Variants in SRPK2 observed in about 807,000 individuals in gnomAD.
The protein encoded by SRPK2 is SFRS protein kinase 2.
SRPK2 carries 21 observed loss-of-function variants against 90.8 expected under a neutral mutation model. The observed-to-expected ratio is 0.23, with a 90% CI of 0.16 to 0.33. The LOEUF (loss-of-function observed/expected upper bound fraction) is 0.33, where lower values mean the gene tolerates loss of function less well. SRPK2 is among the 10% of genes least tolerant of loss of function. The pLI, the probability that SRPK2 is intolerant of heterozygous loss-of-function variation, is 1.00. For missense variants in SRPK2, 620 were observed against 869.0 expected (o/e 0.71, Z 3.60); for synonymous variants, 288 against 311.1 (o/e 0.93, Z 0.78).
chr7:105,300,939 C>T (rs1007231765), intron 2 of SRPK2, among the ~76,000 whole-genome samples: 5 of 152,156 alleles, frequency 3.3e-5, no homozygotes, highest in Admixed American at 1.3e-4. Context: ...CTAGTTCAAC[C>T]GTCGTGGAAG....
chr7:105,333,155 C>G (rs540679784), intron 2 of SRPK2, among the ~76,000 whole-genome samples: 1 of 152,192 alleles, frequency 6.6e-6, no homozygotes, highest in African/African-American at 2.4e-5. Flanking sequence ...GATCGTGCCA[C>G]TGCACTCCAG....
intron 2 of SRPK2, among the ~76,000 whole-genome samples, chr7:105,279,835 CAGT>C (rs1172997589): frequency 5.9e-5 from 9 of 152,276 alleles, no homozygotes; most frequent in Middle Eastern, 3.4e-3. Context: ...GTCAAGTAGA[CAGT>C]AGAAGTAACA....
intron 2 of SRPK2, among the ~76,000 whole-genome samples, chr7:105,387,145 T>C (rs1586019235): frequency 6.6e-6 from 1 of 152,230 alleles, no homozygotes; most frequent in Admixed American, 6.5e-5. Flanking sequence ...CATGCACACA[T>C]AGCCATCTCC....
Position 105,331,323 on chromosome 7 carries a change from A to AAACAAAAC in SRPK2, c.71+57324_71+57325insGTTTTGTT, listed in dbSNP as rs1188690882. On this transcript the variant is annotated intron_variant, in intron 2 of 15. Transcript: ENST00000393651. Reference sequence around the variant, plus strand: ...GACTCCGTCTCAAAAAAAAAAAAAAAAAAAAAAAAAAAAACAAATAGTTAT... The same window carrying AAACAAAAC: ...GACTCCGTCTCAAAAAAAAAAAAAAAAACAAAACAAAAAAAAAAAAAACAAATAGTTAT... 5.3e-5 allele frequency among the ~76,000 whole-genome samples: 7 copies of AAACAAAAC among 131,734 alleles called. 1 individual carries two copies. Among genetic ancestry groups the AAACAAAAC allele is most frequent in the African/African-American group, 1.9e-4 (7 of 37,428 alleles). The allele number at this position is 131,734 out of a possible 152,430, so 86.4% of individuals were successfully genotyped here.
At chr7:105,257,177 C>T (rs1435649026) in intron 2 of SRPK2, among the ~76,000 whole-genome samples, 1 of 152,052 alleles carries the variant, frequency 6.6e-6, no homozygotes, top group East Asian at 1.9e-4. Flanking sequence ...TGCATAGCAG[C>T]TGCTGAAAAA....
At chr7:105,217,186 C>A (rs1797576485) in intron 2 of SRPK2, among the ~76,000 whole-genome samples, 1 of 152,204 alleles carries the variant, frequency 6.6e-6, no homozygotes, top group African/African-American at 2.4e-5. Context: ...CCTAACAACC[C>A]TCTGCTTCTA....
intron 3 of SRPK2, among the ~76,000 whole-genome samples, chr7:105,173,298 G>A (rs1006056696): frequency 1.3e-5 from 2 of 152,116 alleles, no homozygotes; most frequent in Non-Finnish European, 2.9e-5. Flanking sequence ...ACAACTGAAA[G>A]TATAACGCAC....
At chr7:105,295,054 C>CA (rs975703417) in intron 2 of SRPK2, among the ~76,000 whole-genome samples, 6 of 151,206 alleles carry the variant, frequency 4.0e-5, no homozygotes, top group South Asian at 2.1e-4. Flanking sequence ...CTACTAAAAA[C>CA]AAAAAAAATC....
chr7:105,181,433 G>A (rs1792792513), intron 3 of SRPK2, among the ~76,000 whole-genome samples: 2 of 152,124 alleles, frequency 1.3e-5, no homozygotes, highest in Admixed American at 6.5e-5. Flanking sequence ...TGTTCACTGC[G>A]ACACTATTCC....
At chr7:105,388,381 C>T (rs1821896992) in intron 2 of SRPK2, among the ~76,000 whole-genome samples, 1 of 150,026 alleles carries the variant, frequency 6.7e-6, no homozygotes, top group Admixed American at 6.6e-5. Flanking sequence ...CGCCGGCCTC[C>T]CGCCCGCCGG....
At chr7:105,350,522 T>C (rs1054640552) in intron 2 of SRPK2, among the ~76,000 whole-genome samples, 1 of 102,806 alleles carries the variant, frequency 9.7e-6, no homozygotes, top group East Asian at 3.2e-4. Context: ...TTGCTACAAT[T>C]TTTTTTCTTT....
chr7:105,341,784 T>A lies in SRPK2; in HGVS notation c.71+46864A>T, dbSNP rs567814759. 2.0e-5 allele frequency among the ~76,000 whole-genome samples: 3 copies of A among 151,970 alleles called. No homozygotes were observed. The East Asian group carries it at 5.8e-4, about 30-fold the overall frequency. On this transcript the variant is annotated intron_variant, in intron 2 of 15. Coordinates refer to ENST00000393651, the MANE Select transcript of SRPK2 (RefSeq NM_182692.3). The stretch of plus-strand genomic sequence containing the variant: ...GAGTTCGAAACCAGCCTGGCCAACA[T>A]GGTAAAACCCATCTCTACTAAAAAT...
chr7:105,397,508 T>A (rs1473824095), intron 1 of SRPK2, among the ~76,000 whole-genome samples: 1 of 151,282 alleles, frequency 6.6e-6, no homozygotes, highest in Admixed American at 6.6e-5. Flanking sequence ...TTTTGTATAT[T>A]TTTTAGAGAC....
chr7:105,252,049 TTA>T (rs1802550125), intron 2 of SRPK2, among the ~76,000 whole-genome samples: 1 of 152,206 alleles, frequency 6.6e-6, no homozygotes, highest in Admixed American at 6.5e-5. Context: ...TAAAACTGTT[TTA>T]TGTTAGTAGA....
In SRPK2 at chr7:105,142,097, C is replaced by T. The variant is rs1803860950; in HGVS notation, c.1454G>A (p.Gly485Glu). 1.2e-6 allele frequency: 2 copies of T among 1,614,150 alleles called. No homozygotes were observed. The highest frequency in any genetic ancestry group is 8.5e-7 in the Non-Finnish European group (1 of 1,180,016). Residue 485 changes from glycine to glutamate, a missense_variant, in exon 11 of 16, where the codon GGA becomes GAA. Physicochemically the swap from Gly to Glu is moderately conservative, Grantham distance 98. Transcript: ENST00000393651. Reference sequence around the variant, plus strand: ...CTCCTCTTGCTCAGTAAGTGGTGATCCCTCAGAAAGCACAGAGCCGCAGGC... The same window carrying T: ...CTCCTCTTGCTCAGTAAGTGGTGATTCCTCAGAAAGCACAGAGCCGCAGGC... Reference protein sequence around the residue: ...PVACGSVLSEGSPLTEQEESS... With the variant: ...PVACGSVLSEESPLTEQEESS...
intron 2 of SRPK2, among the ~76,000 whole-genome samples, chr7:105,329,940 C>T (rs2079595384): frequency 6.6e-6 from 1 of 151,932 alleles, no homozygotes; most frequent in South Asian, 2.1e-4. Context: ...GAGACTGAGG[C>T]AGGAGAATCG....
At chr7:105,128,777 G>C (rs2129574330) in intron 13 of SRPK2, among the ~76,000 whole-genome samples, 1 of 152,242 alleles carries the variant, frequency 6.6e-6, no homozygotes, top group South Asian at 2.1e-4. Context: ...TGTCCAGGCT[G>C]GACTCAACCT....
At chr7:105,118,737 G>C (rs896142018) in intron 15 of SRPK2, among the ~76,000 whole-genome samples, 2 of 151,918 alleles carry the variant, frequency 1.3e-5, no homozygotes, top group Non-Finnish European at 2.9e-5. Flanking sequence ...GGGTAACATA[G>C]ACCAGACCCT....
chr7:105,298,643 A>G, intron 2 of SRPK2: 2 of 831,690 alleles, frequency 2.4e-6, no homozygotes, highest in South Asian at 5.5e-5. Flanking sequence ...AAAAGTATCA[A>G]ATAAAAAGGC....
Sources: gnomAD v4.1 joint callset for allele counts (sites outside exome capture counted in the v4.1 genomes callset) on GRCh38, gnomAD v4.1.1 for gene constraint, MANE v1.5 for transcripts, NCBI Gene and HGNC (gene_info 2026-07-23, HGNC 2026-07-21) for gene names.